Variants in PPARGC1A observed in about 807,000 individuals in gnomAD.
The protein encoded by PPARGC1A is PPARG coactivator 1 alpha, also known as peroxisome proliferator-activated receptor gamma coactivator 1-alpha.
In PPARGC1A, 25 loss-of-function variants were observed where a neutral mutation model predicts 88.7. That is an observed-to-expected ratio of 0.28 (90% CI 0.21 to 0.39). PPARGC1A has a LOEUF of 0.39. Among genes scored for constraint, PPARGC1A ranks in the 10% least tolerant of loss-of-function variants. The probability of loss-of-function intolerance (pLI) is 1.00; values close to 1 mark genes in which losing one functional copy is unlikely to be tolerated. For synonymous variants in PPARGC1A, 363 were observed against 355.6 expected (o/e 1.02, Z -0.24); for missense variants, 880 against 968.7 (o/e 0.91, Z 1.22).
chr4:24,269,284 G>A, the PPARGC1A span, among the ~76,000 whole-genome samples: 1 of 90,686 alleles, frequency 1.1e-5, no homozygotes, highest in African/African-American at 4.3e-5. Flanking sequence ...AATTTTCAGG[G>A]AAGTGTTAAG....
chr4:23,853,004 A>G (rs1729579444), intron 2 of PPARGC1A, among the ~76,000 whole-genome samples: 1 of 152,182 alleles, frequency 6.6e-6, no homozygotes, highest in Non-Finnish European at 1.5e-5. Flanking sequence ...AATCAAAATT[A>G]TTTGTTAATT....
At chr4:24,197,965 G>T in the PPARGC1A span, among the ~76,000 whole-genome samples, 1 of 152,154 alleles carries the variant, frequency 6.6e-6, no homozygotes, top group Non-Finnish European at 1.5e-5. Context: ...AGTACTCTGG[G>T]ATCTCTTTGC....
Position 23,829,337 on chromosome 4 carries a change from A to G in PPARGC1A, c.552+126T>C, listed in dbSNP as rs545886407. The G allele has an allele frequency of 2.1e-5, 21 of 994,798 alleles. 1 individual carries two copies. The East Asian group carries it at 2.5e-4, about 12-fold the overall frequency. The allele number at this position is 994,798 out of a possible 1,614,324, so 61.6% of individuals were successfully genotyped here. ...GTTTACGGAATCCCATTCATAATCT[A>G]TTTCATCATTATGAGGCAGCTTCGG... On this transcript the variant is annotated intron_variant, in intron 4 of 12. Coordinates refer to ENST00000264867, the MANE Select transcript of PPARGC1A (RefSeq NM_013261.5).
chr4:23,936,609 C>T, the PPARGC1A span, among the ~76,000 whole-genome samples: 6 of 152,196 alleles, frequency 3.9e-5, no homozygotes, highest in South Asian at 2.1e-4. Context: ...TGGTGGCAGG[C>T]GCCTGTAATC....
the PPARGC1A span, among the ~76,000 whole-genome samples, chr4:24,472,152 G>A: frequency 6.6e-6 from 1 of 152,190 alleles, no homozygotes; most frequent in South Asian, 2.1e-4. This position sits in a 1 kb window ranked among gnomAD's most constrained non-coding sequence, Gnocchi z 4.5. Context: ...ATGGCAGATT[G>A]GGCACGGGAG....
intron 2 of PPARGC1A, among the ~76,000 whole-genome samples, chr4:23,861,728 T>C (rs1450972126): frequency 6.6e-6 from 1 of 152,150 alleles, no homozygotes. Flanking sequence ...TGCAACATGA[T>C]TTGCTGCCCA....
chr4:23,846,262 C>T (rs968779980), intron 2 of PPARGC1A, among the ~76,000 whole-genome samples: 12 of 152,266 alleles, frequency 7.9e-5, no homozygotes, highest in Non-Finnish European at 1.2e-4. Flanking sequence ...GTAAAAGCTG[C>T]GTGGTCAACT....
the PPARGC1A span, among the ~76,000 whole-genome samples, chr4:24,432,534 G>C: frequency 9.7e-4 from 148 of 152,328 alleles, no homozygotes; most frequent in African/African-American, 3.4e-3. Flanking sequence ...GCGATGCATA[G>C]AGCGCCAGAG....
At chr4:24,070,246 A>G in the PPARGC1A span, among the ~76,000 whole-genome samples, 2 of 152,306 alleles carry the variant, frequency 1.3e-5, no homozygotes, top group South Asian at 4.1e-4. Context: ...TTTATTAGCC[A>G]AGTGGAGTCC....
chr4:24,250,483 C>T, the PPARGC1A span, among the ~76,000 whole-genome samples: 1 of 152,264 alleles, frequency 6.6e-6, no homozygotes, highest in South Asian at 2.1e-4. Flanking sequence ...AATTAAAATG[C>T]CATCTACAGT....
the PPARGC1A span, among the ~76,000 whole-genome samples, chr4:23,968,647 G>A: frequency 1.3e-5 from 2 of 152,218 alleles, no homozygotes; most frequent in Admixed American, 1.3e-4. Flanking sequence ...AGGTGCTGTG[G>A]CTCATGCTTG....
chr4:24,012,961 A>G, the PPARGC1A span, among the ~76,000 whole-genome samples: 4 of 152,152 alleles, frequency 2.6e-5, no homozygotes, highest in Non-Finnish European at 5.9e-5. Flanking sequence ...GCAGGTCACC[A>G]CAAGTACACA....
At chr4:24,421,632 C>T in the PPARGC1A span, among the ~76,000 whole-genome samples, 1 of 152,158 alleles carries the variant, frequency 6.6e-6, no homozygotes, top group African/African-American at 2.4e-5. Flanking sequence ...TTTGATCCAA[C>T]AACTCTAGCC....
the PPARGC1A span, among the ~76,000 whole-genome samples, chr4:24,206,825 A>T: frequency 6.1e-5 from 7 of 115,160 alleles, no homozygotes; most frequent in Admixed American, 6.4e-4. Context: ...TGGGTGACGG[A>T]GAAAGACTTC....
At chr4:24,214,636 T>C in the PPARGC1A span, among the ~76,000 whole-genome samples, 2 of 152,012 alleles carry the variant, frequency 1.3e-5, no homozygotes, top group East Asian at 1.9e-4. Flanking sequence ...TTGACTAGAG[T>C]GTGCCGCCTT....
chr4:23,996,686 G>A, the PPARGC1A span, among the ~76,000 whole-genome samples: 3 of 152,088 alleles, frequency 2.0e-5, no homozygotes, highest in East Asian at 1.9e-4. Flanking sequence ...TAGGCCAAAC[G>A]TCAGCAAACC....
At chr4:23,811,156 T>C (rs1026470662) in intron 10 of PPARGC1A, among the ~76,000 whole-genome samples, 3 of 152,344 alleles carry the variant, frequency 2.0e-5, no homozygotes, top group African/African-American at 7.2e-5. Flanking sequence ...TTATTTCTCC[T>C]TAAGTGCCTG....
the PPARGC1A span, among the ~76,000 whole-genome samples, chr4:24,063,510 A>C: frequency 6.6e-6 from 1 of 152,034 alleles, no homozygotes; most frequent in Non-Finnish European, 1.5e-5. Flanking sequence ...ACCCAATCTC[A>C]AGTTCCTCAT....
At chr4:24,439,444 A>G in the PPARGC1A span, among the ~76,000 whole-genome samples, 10 of 152,186 alleles carry the variant, frequency 6.6e-5, no homozygotes, top group Admixed American at 6.5e-4. Flanking sequence ...GCTCCCTTCC[A>G]TTCTCTGCAC....
Sources: allele counts gnomAD v4.1 joint callset (sites outside exome capture counted in the v4.1 genomes callset), GRCh38; gene constraint gnomAD v4.1.1; non-coding constraint Gnocchi (gnomAD v3.1); transcripts MANE v1.5; gene names NCBI Gene and HGNC (gene_info 2026-07-23, HGNC 2026-07-21).